Variants in TP63 observed in about 807,000 individuals in gnomAD.
TP63 encodes the protein tumor protein 63.
A neutral mutation model predicts 82.8 loss-of-function variants in TP63; 17 were observed. The ratio of observed to expected loss-of-function variants is 0.21; its 90% confidence interval spans 0.14 to 0.31. The LOEUF (loss-of-function observed/expected upper bound fraction) is 0.31, where lower values mean the gene tolerates loss of function less well. Ranked by LOEUF, TP63 falls within the 10% of genes least tolerant of loss-of-function variation. The pLI is 1.00. For synonymous variants in TP63, 330 were observed against 321.7 expected (o/e 1.03, Z -0.28); for missense variants, 648 against 895.3 (o/e 0.72, Z 3.52).
rs527735529 is a variant in TP63, at chr3:189,803,367, A to G, written c.325-4905A>G. On this transcript the variant is annotated intron_variant, in intron 3 of 13. Coordinates refer to ENST00000264731, the MANE Select transcript of TP63 (RefSeq NM_003722.5). ...ATTTTCAAAAACACAAATTATAGGTAAATACCTATTTCTATTGCATTGGTC... is the reference window on the plus strand; with the variant it reads ...ATTTTCAAAAACACAAATTATAGGTGAATACCTATTTCTATTGCATTGGTC... Among the ~76,000 whole-genome samples the G allele has an allele frequency of 9.2e-4, 140 of 152,368 alleles. 1 individual carries two copies. Among genetic ancestry groups the G allele is most frequent in the African/African-American group, 3.3e-3 (138 of 41,590 alleles).
chr3:189,798,410 G>A (rs767370644), intron 3 of TP63, among the ~76,000 whole-genome samples: 3 of 151,888 alleles, frequency 2.0e-5, no homozygotes, highest in Non-Finnish European at 4.4e-5. Flanking sequence ...TGAAAGACAG[G>A]GCAGATGATT....
Position 189,877,371 on chromosome 3 carries a change from G to A in TP63, c.1349+4376G>A, listed in dbSNP as rs73059021. On this transcript the variant is annotated intron_variant, in intron 10 of 13. Transcript: ENST00000264731. ...GCAGAAGCCTCTTGAGACCTATTTA[G>A]CAACGTTTTGACTTCTGTACTTCAG... Among the ~76,000 whole-genome samples, 1,188 of 152,222 alleles carry A rather than the reference G, an allele frequency of 7.8e-3. 13 individuals are homozygous for A. The highest frequency in any genetic ancestry group is 0.024 in the African/African-American group (996 of 41,534).
intron 13 of TP63, among the ~76,000 whole-genome samples, chr3:189,892,676 C>T (rs2108869025): frequency 6.6e-6 from 1 of 152,174 alleles, no homozygotes; most frequent in African/African-American, 2.4e-5. Context: ...TCTGTAGTCC[C>T]AGCTACTCAG....
At chr3:189,637,065 G>A (rs1729830235) in intron 1 of TP63, among the ~76,000 whole-genome samples, 1 of 151,834 alleles carries the variant, frequency 6.6e-6, no homozygotes, top group Non-Finnish European at 1.5e-5. Context: ...ACCAACCCTG[G>A]ACTGGATGCT....
intron 10 of TP63, among the ~76,000 whole-genome samples, chr3:189,884,202 C>G (rs1720204291): frequency 6.6e-6 from 1 of 152,298 alleles, no homozygotes; most frequent in South Asian, 2.1e-4. Flanking sequence ...CCCAAGCTTT[C>G]CTATACTCTG....
In TP63 at chr3:189,738,545, T is replaced by G. The variant is rs1404323693; in HGVS notation, c.192-97T>G. The G allele has an allele frequency of 5.1e-6, 8 of 1,579,516 alleles. No individual in the cohort carries two copies. In the South Asian group the frequency reaches 7.8e-5, roughly 15 times the overall value. On this transcript the variant is annotated intron_variant, in intron 2 of 13. Transcript: ENST00000264731. ...ACTCCAAGAAACCAATGAGCCTTGC[T>G]GACTTTGAAGCAGAAAATGCTTGTT... is the stretch of plus-strand genomic sequence containing the variant.
At chr3:189,708,861 A>G (rs1000999833) in intron 1 of TP63, among the ~76,000 whole-genome samples, 3 of 152,208 alleles carry the variant, frequency 2.0e-5, no homozygotes, top group African/African-American at 4.8e-5. Flanking sequence ...ATACCCATAC[A>G]TTGCTTCACG....
chr3:189,869,981 T>C (rs1249363572), intron 9 of TP63, among the ~76,000 whole-genome samples: 2 of 152,220 alleles, frequency 1.3e-5, no homozygotes, highest in African/African-American at 4.8e-5. Flanking sequence ...ACTGTATTAC[T>C]AGCATGAGCT....
intron 4 of TP63, among the ~76,000 whole-genome samples, chr3:189,863,297 G>A (rs565068190): frequency 6.6e-6 from 1 of 152,272 alleles, no homozygotes; most frequent in South Asian, 2.1e-4. Flanking sequence ...GTAGAGATAG[G>A]GCTTTGACCC....
intron 11 of TP63, among the ~76,000 whole-genome samples, chr3:189,887,412 G>T (rs904751191): frequency 4.9e-4 from 75 of 152,160 alleles, no homozygotes; most frequent in African/African-American, 1.7e-3. Context: ...CAGTCAGTAA[G>T]GAACTGATCT....
intron 1 of TP63, among the ~76,000 whole-genome samples, chr3:189,648,773 T>C (rs1371458452): frequency 2.0e-5 from 3 of 147,110 alleles, no homozygotes; most frequent in African/African-American, 7.6e-5. Flanking sequence ...GATATCTTGT[T>C]TGCTCAAATC....
At chr3:189,619,252 A>G in the TP63 span, among the ~76,000 whole-genome samples, 47 of 151,980 alleles carry the variant, frequency 3.1e-4, 2 homozygotes, top group Admixed American at 2.8e-3. Flanking sequence ...GAGAGGGGGG[A>G]TATATGTTGC....
chr3:189,796,365 A>G (rs1466175212), intron 3 of TP63, among the ~76,000 whole-genome samples: 1 of 151,930 alleles, frequency 6.6e-6, no homozygotes, highest in African/African-American at 2.4e-5. Context: ...CATCACTTCC[A>G]TCTCACCCAA....
At chr3:189,761,995 C>A (rs2108540357) in intron 3 of TP63, among the ~76,000 whole-genome samples, 1 of 152,330 alleles carries the variant, frequency 6.6e-6, no homozygotes, top group South Asian at 2.1e-4. Context: ...TAATTACCTT[C>A]CACAGGGTGT....
chr3:189,654,766 T>C lies in TP63; in HGVS notation c.62+23189T>C, dbSNP rs538446912. Reference sequence around the variant, plus strand: ...CCAGTTATGTAGAAATTTTTGTGTGTGCTGAGTTTCACTCAGATTTCAACA... The same window carrying C: ...CCAGTTATGTAGAAATTTTTGTGTGCGCTGAGTTTCACTCAGATTTCAACA... On this transcript the variant is annotated intron_variant, in intron 1 of 13. Transcript: ENST00000264731. 7.2e-5 allele frequency among the ~76,000 whole-genome samples: 11 copies of C among 152,350 alleles called. No individual in the cohort carries two copies. The East Asian group carries it at 9.7e-4, about 13-fold the overall frequency.
chr3:189,757,300 T>G (rs1722253591), intron 3 of TP63, among the ~76,000 whole-genome samples: 1 of 152,198 alleles, frequency 6.6e-6, no homozygotes, highest in South Asian at 2.1e-4. Context: ...TGTGAAGAGG[T>G]CAGGCTCCAG....
Position 189,873,015 on chromosome 3 carries a change from A to G in TP63, c.1349+20A>G. On this transcript the variant is annotated intron_variant, in intron 10 of 13. Coordinates refer to ENST00000264731, the MANE Select transcript of TP63 (RefSeq NM_003722.5). ...GAAACAGTGAGTGTATCAACGTGTCATTTTAGGAGGCATGAGTGAGGGTGA... is the reference window on the plus strand; with the variant it reads ...GAAACAGTGAGTGTATCAACGTGTCGTTTTAGGAGGCATGAGTGAGGGTGA... 6.2e-7 allele frequency: 1 copy of G among 1,614,126 alleles called. No individual in the cohort carries two copies. Among genetic ancestry groups the G allele is most frequent in the Non-Finnish European group, 8.5e-7 (1 of 1,179,978 alleles).
At chr3:189,695,453 T>A (rs1009751210) in intron 1 of TP63, among the ~76,000 whole-genome samples, 4 of 152,194 alleles carry the variant, frequency 2.6e-5, no homozygotes, top group Non-Finnish European at 5.9e-5. Flanking sequence ...CAGCTACTTA[T>A]CCAAGGATCT....
At chr3:189,849,874 T>C (rs1577100189) in intron 4 of TP63, among the ~76,000 whole-genome samples, 1 of 152,220 alleles carries the variant, frequency 6.6e-6, no homozygotes, top group South Asian at 2.1e-4. Flanking sequence ...ATAATGTTCC[T>C]TCTGAGTTCT....
Sources: gnomAD v4.1 joint callset for allele counts (sites outside exome capture counted in the v4.1 genomes callset) on GRCh38, gnomAD v4.1.1 for gene constraint, MANE v1.5 for transcripts, NCBI Gene and HGNC (gene_info 2026-07-23, HGNC 2026-07-21) for gene names.